The following VPS13B variants were observed in gnomAD, a reference collection of about 807,000 sequenced individuals.
VPS13B encodes the protein vacuolar protein sorting 13 homolog B, also known as intermembrane lipid transfer protein VPS13B.
In VPS13B, 285 loss-of-function variants were observed where a neutral mutation model predicts 426.4. The ratio of observed to expected loss-of-function variants is 0.67; its 90% CI spans 0.61 to 0.74. The LOEUF (loss-of-function observed/expected upper bound fraction) is 0.74. Ranked by LOEUF, VPS13B falls within the 30% of genes least tolerant of loss-of-function variation. The pLI is 0.00. For synonymous variants in VPS13B, 1,676 were observed against 1,676.4 expected (o/e 1.00, Z 0.01); for missense variants, 4,537 against 4,782.6 (o/e 0.95, Z 1.51).
chr8:99,662,786 C>A (rs1318243509), intron 35 of VPS13B, among the ~76,000 whole-genome samples: 1 of 152,136 alleles, frequency 6.6e-6, no homozygotes, highest in African/African-American at 2.4e-5. Context: ...GTGGCTCACA[C>A]CTGTAATCCC....
Position 99,838,872 on chromosome 8 carries a change from G to A in VPS13B, c.9942+3134G>A, listed in dbSNP as rs139405163. 1.7e-4 allele frequency among the ~76,000 whole-genome samples: 26 copies of A among 152,318 alleles called. No individual in the cohort carries two copies. In the East Asian group the frequency reaches 4.1e-3, roughly 24 times the overall value. ...TAGGGAATCTTTCCAGGTAGAAAGA[G>A]CAATGTGTTTGAAGCTTCAGTGTTC... On this transcript the variant is annotated intron_variant, in intron 54 of 61. Transcript: ENST00000357162.
intron 33 of VPS13B, among the ~76,000 whole-genome samples, chr8:99,615,777 G>A (rs1306075102): frequency 6.6e-6 from 1 of 152,120 alleles, no homozygotes; most frequent in African/African-American, 2.4e-5. Context: ...GTTGTGACGT[G>A]TGAATGTTAA....
intron 16 of VPS13B, among the ~76,000 whole-genome samples, chr8:99,183,319 T>C (rs1813046350): frequency 1.3e-5 from 2 of 152,122 alleles, no homozygotes; most frequent in African/African-American, 4.8e-5. Context: ...GGGGTTTTTG[T>C]TTGTTTTTCT....
intron 19 of VPS13B, among the ~76,000 whole-genome samples, chr8:99,290,519 A>T (rs934961197): frequency 2.6e-5 from 4 of 152,008 alleles, no homozygotes; most frequent in African/African-American, 9.6e-5. Context: ...GTGCGGGGAG[A>T]GGGAAGGGAT....
At chr8:99,035,019 G>A (rs1461597309) in intron 2 of VPS13B, among the ~76,000 whole-genome samples, 1 of 151,948 alleles carries the variant, frequency 6.6e-6, no homozygotes, top group African/African-American at 2.4e-5. Flanking sequence ...AACATAGTGA[G>A]ACTCATCTGT....
At position 99,766,992 on chromosome 8, in the gene VPS13B, T is replaced by C. The variant is rs748882395; in HGVS notation, c.7247+22T>C. 6.8e-6 allele frequency: 11 copies of C among 1,609,278 alleles called. No individual in the cohort carries two copies. In the East Asian group the frequency reaches 2.0e-4, roughly 29 times the overall value. ...AAAGGTAATTCATTGAAAGATGATA[T>C]GGTAGCATTACACTGGGAAACAATG... is the stretch of plus-strand genomic sequence containing the variant. On this transcript the variant is annotated intron_variant, in intron 40 of 61. Coordinates refer to ENST00000357162, the MANE Select transcript of VPS13B (RefSeq NM_152564.5).
chr8:99,179,586 T>A (rs10808362), intron 16 of VPS13B, among the ~76,000 whole-genome samples: 65,653 of 152,062 alleles, frequency 0.43, 15,662 homozygotes, highest in African/African-American at 0.62. Context: ...ACCTGGTCAC[T>A]TCCCCTCTAA....
At chr8:99,113,343 T>G (rs1034964138) in intron 6 of VPS13B, among the ~76,000 whole-genome samples, 1 of 152,196 alleles carries the variant, frequency 6.6e-6, no homozygotes, top group African/African-American at 2.4e-5. Context: ...CTTCAAGTAA[T>G]TCTCTTGTCT....
At chr8:99,229,813 A>G (rs2132852848) in intron 17 of VPS13B, among the ~76,000 whole-genome samples, 1 of 152,344 alleles carries the variant, frequency 6.6e-6, no homozygotes, top group South Asian at 2.1e-4. Flanking sequence ...TTTTATTCAA[A>G]TAGCATTGGG....
intron 21 of VPS13B, among the ~76,000 whole-genome samples, chr8:99,425,387 C>T (rs556896193): frequency 1.3e-5 from 2 of 152,278 alleles, no homozygotes; most frequent in Admixed American, 1.3e-4. Context: ...GGGCTTCATC[C>T]CTGGGATGCA....
intron 3 of VPS13B, among the ~76,000 whole-genome samples, chr8:99,076,079 A>C (rs964151324): frequency 1.3e-5 from 2 of 152,024 alleles, no homozygotes; most frequent in Non-Finnish European, 2.9e-5. Context: ...TGTTTAATGA[A>C]ATTTTTTAAT....
chr8:99,628,454 C>T lies in VPS13B; in HGVS notation c.5221-13357C>T, dbSNP rs987857848. Among the ~76,000 whole-genome samples, 4 of 152,304 alleles carry T rather than the reference C, an allele frequency of 2.6e-5. No homozygotes were observed. In the East Asian group the frequency reaches 7.7e-4, roughly 29 times the overall value. On this transcript the variant is annotated intron_variant, in intron 33 of 61. Transcript: ENST00000357162. Reference sequence around the variant, plus strand: ...TGGTATGTGTTGCTTCACTCCTCTACTCCTGCCTCCTGTTCCCTTTTCCTC... The same window carrying T: ...TGGTATGTGTTGCTTCACTCCTCTATTCCTGCCTCCTGTTCCCTTTTCCTC...
At position 99,478,831 on chromosome 8, in the gene VPS13B, TAAA is replaced by T. The variant is rs57445772; in HGVS notation, c.3667-2754_3667-2752del. The stretch of plus-strand genomic sequence containing the variant: ...TTTTATGTGAAAAGTTGTTTTTGTG[TAAA>T]AAAAAAAAAAAAACAAGTTTCTGAA... On this transcript the variant is annotated intron_variant, in intron 24 of 61. Transcript: ENST00000357162. Among the ~76,000 whole-genome samples, 144 of 136,484 alleles carry T rather than the reference TAAA, an allele frequency of 1.1e-3. 1 individual carries two copies. Among genetic ancestry groups the T allele is most frequent in the African/African-American group, 2.9e-3 (110 of 37,678 alleles). The allele number at this position is 136,484 out of a possible 152,430, so 89.5% of individuals were successfully genotyped here. A position where few individuals can be genotyped will look rare whatever the true frequency, so the allele number is the denominator to read the frequency against.
At chr8:99,203,314 C>T (rs1814471112) in intron 17 of VPS13B, among the ~76,000 whole-genome samples, 1 of 152,094 alleles carries the variant, frequency 6.6e-6, no homozygotes, top group South Asian at 2.1e-4. Context: ...AATTCAACTC[C>T]CCTTCATCTA....
chr8:99,086,262 G>A (rs1292785874), intron 3 of VPS13B, among the ~76,000 whole-genome samples: 1 of 152,106 alleles, frequency 6.6e-6, no homozygotes, highest in African/African-American at 2.4e-5. Flanking sequence ...GGCTACTGAG[G>A]CTTGTGCATT....
intron 33 of VPS13B, among the ~76,000 whole-genome samples, chr8:99,608,469 T>C (rs558131584): frequency 1.3e-5 from 2 of 152,286 alleles, no homozygotes; most frequent in Non-Finnish European, 2.9e-5. Flanking sequence ...CTGAATTTGT[T>C]AAACAGCTTT....
intron 24 of VPS13B, among the ~76,000 whole-genome samples, chr8:99,475,815 C>T (rs1191217099): frequency 1.3e-5 from 2 of 152,212 alleles, no homozygotes; most frequent in African/African-American, 2.4e-5. Context: ...CTCCTGTTCT[C>T]CTGATGCCAA....
intron 33 of VPS13B, among the ~76,000 whole-genome samples, chr8:99,610,049 G>A (rs574270236): frequency 6.6e-6 from 1 of 152,078 alleles, no homozygotes; most frequent in Non-Finnish European, 1.5e-5. Context: ...TTCTGTCCCT[G>A]TTTCTTTTTT....
intron 50 of VPS13B, among the ~76,000 whole-genome samples, chr8:99,822,332 T>C (rs1588748416): frequency 1.3e-5 from 2 of 152,310 alleles, no homozygotes; most frequent in Middle Eastern, 3.4e-3. Flanking sequence ...AAAAAATAAA[T>C]TTCCGTGATA....
Sources: allele counts gnomAD v4.1 joint callset (sites outside exome capture counted in the v4.1 genomes callset), GRCh38; gene constraint gnomAD v4.1.1; transcripts MANE v1.5; gene names NCBI Gene and HGNC (gene_info 2026-07-23, HGNC 2026-07-21).